Variants in NBAS observed in about 807,000 individuals in gnomAD.
NBAS encodes the protein NAG/BC035112 fusion.
A neutral mutation model predicts 302.5 loss-of-function variants in NBAS; 219 were observed. The observed-to-expected ratio is 0.72, with a 90% confidence interval of 0.65 to 0.81. The LOEUF (loss-of-function observed/expected upper bound fraction) is 0.81, where lower values mean the gene tolerates loss of function less well. Among genes scored for constraint, NBAS ranks in the 30% least tolerant of loss-of-function variants. The pLI is 0.00. For missense variants in NBAS, 2,932 were observed against 2,841.6 expected, an observed-to-expected ratio of 1.03 and a Z score of -0.72; for synonymous variants, 1,118 against 1,021.6, an observed-to-expected ratio of 1.09 and a Z score of -1.80.
chr2:15,118,481 G>GAGCTGCCCTGTGACTTGACCTCACCAAT, the NBAS span, among the ~76,000 whole-genome samples: 1 of 152,058 alleles, frequency 6.6e-6, no homozygotes, highest in Non-Finnish European at 1.5e-5. Context: ...CCTTGTATCT[G>GAGCTGCCCTGTGACTTGACCTCACCAAT]AGCTGCCCTG....
At chr2:15,236,517 G>A (rs1667599043) in intron 45 of NBAS, among the ~76,000 whole-genome samples, 1 of 97,308 alleles carries the variant, frequency 1.0e-5, no homozygotes. Flanking sequence ...AACAGAGTGA[G>A]ACCCTGTCTC....
At chr2:15,458,820 T>G (rs1679371533) in intron 21 of NBAS, among the ~76,000 whole-genome samples, 1 of 152,126 alleles carries the variant, frequency 6.6e-6, no homozygotes, top group Non-Finnish European at 1.5e-5. Context: ...AAGACTTTCT[T>G]GAGAACAAAG....
intron 25 of NBAS, among the ~76,000 whole-genome samples, chr2:15,413,118 A>G (rs1047107887): frequency 4.6e-5 from 7 of 152,208 alleles, no homozygotes; most frequent in Admixed American, 3.9e-4. Context: ...TTCTCCACAC[A>G]TACTGGAAGC....
At chr2:15,094,476 T>C in the NBAS span, among the ~76,000 whole-genome samples, 2 of 152,148 alleles carry the variant, frequency 1.3e-5, no homozygotes, top group African/African-American at 2.4e-5. Flanking sequence ...CTAAATTAGA[T>C]ATTGTAGAGC....
chr2:15,544,766 C>T (rs575339929), intron 6 of NBAS, among the ~76,000 whole-genome samples: 1 of 152,304 alleles, frequency 6.6e-6, no homozygotes, highest in South Asian at 2.1e-4. Context: ...AATCCCAGCA[C>T]TTTGAGAGGC....
At chr2:15,213,028 A>C (rs1216842749) in intron 48 of NBAS, among the ~76,000 whole-genome samples, 1 of 152,166 alleles carries the variant, frequency 6.6e-6, no homozygotes, top group Non-Finnish European at 1.5e-5. Flanking sequence ...AGGTCCATTT[A>C]TTGGGACCAG....
At chr2:14,981,308 T>C in the NBAS span, among the ~76,000 whole-genome samples, 3 of 152,264 alleles carry the variant, frequency 2.0e-5, no homozygotes, top group Non-Finnish European at 2.9e-5. Flanking sequence ...CATCACACAG[T>C]GAAGCAAGCC....
At chr2:14,802,800 A>G in the NBAS span, among the ~76,000 whole-genome samples, 2 of 143,228 alleles carry the variant, frequency 1.4e-5, no homozygotes, top group Non-Finnish European at 3.0e-5. Context: ...CAAAAAACCA[A>G]ACACCACATA....
chr2:14,958,153 C>T, the NBAS span, among the ~76,000 whole-genome samples: 1 of 152,188 alleles, frequency 6.6e-6, no homozygotes, highest in African/African-American at 2.4e-5. Flanking sequence ...CTTGTGATTG[C>T]CCCAGAGTCC....
chr2:15,182,219 C>A (rs1293039971), intron 50 of NBAS, among the ~76,000 whole-genome samples: 2 of 152,254 alleles, frequency 1.3e-5, no homozygotes, highest in African/African-American at 4.8e-5. Flanking sequence ...GCCTCTTGGA[C>A]TGTGATCTCT....
At chr2:15,057,943 G>C in the NBAS span, among the ~76,000 whole-genome samples, 2 of 152,134 alleles carry the variant, frequency 1.3e-5, no homozygotes, top group Admixed American at 1.3e-4. Flanking sequence ...TCAAAAAATA[G>C]TAGATGTTGG....
At chr2:14,911,971 A>G in the NBAS span, among the ~76,000 whole-genome samples, 4,894 of 152,302 alleles carry the variant, frequency 0.032, 292 homozygotes, top group African/African-American at 0.11. Context: ...TTTCATTGTT[A>G]TGTGAATATT....
chr2:15,536,511 C>A lies in NBAS; in HGVS notation c.554G>T (p.Gly185Val), dbSNP rs1245221115. Reference sequence around the variant, plus strand: ...TGCTTTATATTCTAAAAATATCAACCCAGCAATGGCATAGCTTAAGTCACC... The same window carrying A: ...TGCTTTATATTCTAAAAATATCAACACAGCAATGGCATAGCTTAAGTCACC... ...FIGDLSYAIA[G>V]LIFLEYKASA... The change falls in exon 8 of 52, where the codon GGG (glycine) becomes GTG (valine). Residue 185 changes from glycine (G) to valine (V), a missense_variant. By Grantham distance (109) the Gly-to-Val change is moderately radical. Coordinates refer to ENST00000281513, the MANE Select transcript of NBAS (RefSeq NM_015909.4). 3.1e-6 allele frequency: 5 copies of A among 1,612,516 alleles called. No individual in the cohort carries two copies. The Admixed American group carries it at 8.3e-5, about 27-fold the overall frequency.
chr2:14,851,238 T>A, the NBAS span, among the ~76,000 whole-genome samples: 1 of 139,108 alleles, frequency 7.2e-6, no homozygotes, highest in Non-Finnish European at 1.5e-5. Context: ...TAAAAAATGA[T>A]AAAGGGGATA....
chr2:15,204,572 C>T (rs777886045), intron 48 of NBAS, among the ~76,000 whole-genome samples: 6 of 151,996 alleles, frequency 3.9e-5, no homozygotes, highest in Non-Finnish European at 8.8e-5. Context: ...TATGTTTTTG[C>T]GGCACTATTC....
At chr2:15,355,906 G>A (rs1457631821) in intron 33 of NBAS, among the ~76,000 whole-genome samples, 3 of 151,758 alleles carry the variant, frequency 2.0e-5, no homozygotes, top group Non-Finnish European at 4.4e-5. Flanking sequence ...GTGTGAGAAC[G>A]AAATAATACA....
At chr2:14,930,577 TCCTGAGTCTCA>T in the NBAS span, among the ~76,000 whole-genome samples, 2 of 152,196 alleles carry the variant, frequency 1.3e-5, no homozygotes, top group African/African-American at 2.4e-5. Flanking sequence ...GCTTACACCC[TCCTGAGTCTCA>T]CCTGTTCAAT....
the NBAS span, among the ~76,000 whole-genome samples, chr2:14,880,033 C>T: frequency 6.6e-6 from 1 of 151,958 alleles, no homozygotes; most frequent in Non-Finnish European, 1.5e-5. Context: ...AGGAGCCAAC[C>T]TGAAAGAAGA....
At chr2:15,251,944 CACAAGTA>C (rs1189480495) in intron 44 of NBAS, among the ~76,000 whole-genome samples, 5 of 152,070 alleles carry the variant, frequency 3.3e-5, no homozygotes, top group African/African-American at 1.2e-4. Context: ...ATGCCGCTGA[CACAAGTA>C]ACAGTCTGTC....
Sources: gnomAD v4.1 joint callset for allele counts (sites outside exome capture counted in the v4.1 genomes callset) on GRCh38, gnomAD v4.1.1 for gene constraint, MANE v1.5 for transcripts, NCBI Gene and HGNC (gene_info 2026-07-23, HGNC 2026-07-21) for gene names.